The following CYP7B1 variants were observed in gnomAD, a reference collection of about 807,000 sequenced individuals.
CYP7B1 encodes the protein cytochrome P450 7B1.
CYP7B1 carries 29 observed loss-of-function variants against 42.7 expected under a neutral mutation model. The observed-to-expected ratio is 0.68, with a 90% CI of 0.51 to 0.93. The LOEUF (loss-of-function observed/expected upper bound fraction) is 0.93. Among genes scored for constraint, CYP7B1 ranks in the 40% least tolerant of loss-of-function variants. CYP7B1 has a pLI of 0.00. For missense variants in CYP7B1, 655 were observed against 600.5 expected (o/e 1.09, Z -0.95); for synonymous variants, 235 against 218.2 (o/e 1.08, Z -0.68).
intron 4 of CYP7B1, among the ~76,000 whole-genome samples, chr8:64,612,507 G>T (rs2129630106): frequency 6.6e-6 from 1 of 152,022 alleles, no homozygotes; most frequent in Non-Finnish European, 1.5e-5. Flanking sequence ...CAAAAGCATT[G>T]AAAAAAGGAC....
intron 1 of CYP7B1, among the ~76,000 whole-genome samples, chr8:64,769,003 C>A (rs181058414): frequency 2.1e-3 from 320 of 152,254 alleles, no homozygotes; most frequent in African/African-American, 7.1e-3. Context: ...ATTTTTGCAA[C>A]AAATATTATA....
intron 1 of CYP7B1, among the ~76,000 whole-genome samples, chr8:64,705,506 A>G (rs1806982657): frequency 6.6e-6 from 1 of 151,838 alleles, no homozygotes; most frequent in Admixed American, 6.6e-5. Flanking sequence ...TTGATGTTGC[A>G]AAGTCCATGC....
At position 64,768,146 on chromosome 8, in the gene CYP7B1, G is replaced by A. The variant is rs189122353; in HGVS notation, c.122+30320C>T. 2.4e-3 allele frequency among the ~76,000 whole-genome samples: 371 copies of A among 152,190 alleles called. 1 individual carries two copies. Among genetic ancestry groups the A allele is most frequent in the Non-Finnish European group, 3.5e-3 (240 of 68,008 alleles). On this transcript the variant is annotated intron_variant, in intron 1 of 5. Transcript: ENST00000310193. ...GGGGCTTGTAACTCAGCTCATACCC[G>A]ACCAATCAGGTAGCAAAGAGGGTTC...
intron 1 of CYP7B1, among the ~76,000 whole-genome samples, chr8:64,776,633 GT>G (rs1804331086): frequency 6.6e-6 from 1 of 152,206 alleles, no homozygotes; most frequent in African/African-American, 2.4e-5. Context: ...AAGGGGTGGG[GT>G]TTAGCATATG....
chr8:64,590,483 C>T (rs1423100060), downstream of CYP7B1, among the ~76,000 whole-genome samples: 1 of 152,188 alleles, frequency 6.6e-6, no homozygotes, highest in Non-Finnish European at 1.5e-5. Flanking sequence ...AAAGATTACA[C>T]CTGCTGAAAA....
chr8:64,603,727 C>T (rs1805235101), intron 5 of CYP7B1, among the ~76,000 whole-genome samples: 1 of 152,200 alleles, frequency 6.6e-6, no homozygotes, highest in African/African-American at 2.4e-5. Context: ...ACTCCCCCCA[C>T]ACTTAAGTCA....
intron 4 of CYP7B1, among the ~76,000 whole-genome samples, chr8:64,611,352 C>A (rs1805360531): frequency 6.6e-6 from 1 of 152,144 alleles, no homozygotes; most frequent in South Asian, 2.1e-4. Flanking sequence ...TGTCACTGTC[C>A]TCCAGAGTAT....
intron 2 of CYP7B1, among the ~76,000 whole-genome samples, chr8:64,621,552 AAAC>A (rs1805529667): frequency 6.6e-6 from 1 of 152,154 alleles, no homozygotes; most frequent in Admixed American, 6.5e-5. Context: ...AGGAAATTTC[AAAC>A]AACATGGTGC....
intron 1 of CYP7B1, among the ~76,000 whole-genome samples, chr8:64,738,454 T>G (rs1418175771): frequency 1.3e-5 from 2 of 152,186 alleles, no homozygotes; most frequent in Non-Finnish European, 2.9e-5. Flanking sequence ...CAGATCATTG[T>G]TCTCTTTTCA....
intron 1 of CYP7B1, among the ~76,000 whole-genome samples, chr8:64,788,542 C>G (rs767563127): frequency 6.6e-6 from 1 of 152,052 alleles, no homozygotes; most frequent in Non-Finnish European, 1.5e-5. Flanking sequence ...TGTGAGTGGC[C>G]CCTGTGATGG....
chr8:64,755,234 C>G (rs1807789961), intron 1 of CYP7B1, among the ~76,000 whole-genome samples: 1 of 152,050 alleles, frequency 6.6e-6, no homozygotes, highest in South Asian at 2.1e-4. Context: ...CAGGGGAAAC[C>G]AGCCAGTCCT....
At chr8:64,681,403 T>C (rs1806535895) in intron 1 of CYP7B1, among the ~76,000 whole-genome samples, 1 of 152,180 alleles carries the variant, frequency 6.6e-6, no homozygotes, top group African/African-American at 2.4e-5. Context: ...ACCCCTGAGA[T>C]GGCCCCTACA....
intron 1 of CYP7B1, among the ~76,000 whole-genome samples, chr8:64,662,017 T>C (rs1436429670): frequency 6.6e-6 from 1 of 151,986 alleles, no homozygotes; most frequent in African/African-American, 2.4e-5. Flanking sequence ...TCACAAGGCA[T>C]GGCCCTAGCT....
intron 1 of CYP7B1, among the ~76,000 whole-genome samples, chr8:64,703,342 G>A (rs898416247): frequency 5.3e-5 from 8 of 151,740 alleles, no homozygotes; most frequent in Non-Finnish European, 7.4e-5. Context: ...TACATAAAAC[G>A]GAAGCACAGC....
chr8:64,752,162 T>C (rs1807735552), intron 1 of CYP7B1, among the ~76,000 whole-genome samples: 1 of 151,022 alleles, frequency 6.6e-6, no homozygotes, highest in Admixed American at 6.6e-5. Flanking sequence ...ATCCATGATG[T>C]ATGTACTCCA....
intron 1 of CYP7B1, among the ~76,000 whole-genome samples, chr8:64,691,565 T>A (rs1318301753): frequency 2.6e-5 from 4 of 151,840 alleles, no homozygotes; most frequent in Admixed American, 2.0e-4. Flanking sequence ...GGCTTGTTTC[T>A]ACTCATTGTT....
intron 1 of CYP7B1, among the ~76,000 whole-genome samples, chr8:64,669,367 T>C (rs1010082714): frequency 2.0e-5 from 3 of 152,212 alleles, no homozygotes; most frequent in East Asian, 3.9e-4. Flanking sequence ...TCCCCCTCCA[T>C]GTATGTACAA....
intron 1 of CYP7B1, among the ~76,000 whole-genome samples, chr8:64,713,981 A>G (rs1807118470): frequency 6.6e-6 from 1 of 152,194 alleles, no homozygotes; most frequent in South Asian, 2.1e-4. Context: ...AACTCATATA[A>G]TCCCAAAACA....
intron 1 of CYP7B1, among the ~76,000 whole-genome samples, chr8:64,668,725 C>CA (rs34797764): frequency 0.22 from 19,010 of 86,450 alleles, 1,355 homozygotes; most frequent in Middle Eastern, 0.28. Context: ...GCATATTGAC[C>CA]AAAAAAAAAA....
Sources: allele counts gnomAD v4.1 joint callset (sites outside exome capture counted in the v4.1 genomes callset), GRCh38; gene constraint gnomAD v4.1.1; transcripts MANE v1.5; gene names NCBI Gene and HGNC (gene_info 2026-07-23, HGNC 2026-07-21).